ADAM18: variants seen among roughly 807,000 people sequenced by gnomAD.
ADAM18 encodes the protein disintegrin and metalloproteinase domain-containing protein 18.
In ADAM18, 117 loss-of-function variants were observed where a neutral mutation model predicts 94.4. The observed-to-expected ratio is 1.24, with a 90% confidence interval of 1.07 to 1.45. The LOEUF is 1.45. Ranked by LOEUF, ADAM18 falls within the 40% of genes most tolerant of loss-of-function variation. ADAM18 has a pLI of 0.00. For missense variants in ADAM18, 936 were observed against 880.0 expected (o/e 1.06, Z -0.81); for synonymous variants, 327 against 291.6 (o/e 1.12, Z -1.24).
intron 7 of ADAM18, among the ~76,000 whole-genome samples, chr8:39,633,036 T>C (rs542023155): frequency 2.6e-4 from 40 of 152,272 alleles, no homozygotes; most frequent in Admixed American, 2.0e-3. Flanking sequence ...AGAGACTTCA[T>C]GCAGCATTCT....
intron 2 of ADAM18, among the ~76,000 whole-genome samples, chr8:39,604,240 A>T (rs948232400): frequency 4.3e-4 from 65 of 152,360 alleles, no homozygotes; most frequent in Non-Finnish European, 8.4e-4. Context: ...TTACAAAAAA[A>T]CATACGAAGT....
intron 7 of ADAM18, among the ~76,000 whole-genome samples, chr8:39,631,720 A>G (rs146092986): frequency 1.3e-5 from 2 of 152,012 alleles, no homozygotes; most frequent in African/African-American, 4.8e-5. Flanking sequence ...TGTAATTTTG[A>G]TTTTGGAATT....
chr8:39,623,779 G>A (rs926736413), intron 6 of ADAM18, among the ~76,000 whole-genome samples: 1 of 151,946 alleles, frequency 6.6e-6, no homozygotes, highest in African/African-American at 2.4e-5. Flanking sequence ...TGTATTTTTA[G>A]TAGAGAAGCG....
chr8:39,692,575 A>G, intron 16 of ADAM18, 25 bp from the exon 17 acceptor site: 1 of 1,479,294 alleles, frequency 6.8e-7, no homozygotes, highest in Non-Finnish European at 9.2e-7. Flanking sequence ...TGTGAATTGT[A>G]AAATTTTTGT....
At chr8:39,639,089 C>T (rs2129579346) in intron 10 of ADAM18, among the ~76,000 whole-genome samples, 1 of 151,872 alleles carries the variant, frequency 6.6e-6, no homozygotes, top group South Asian at 2.1e-4. Flanking sequence ...ATGTTAATTT[C>T]TTTTCAAAGA....
At chr8:39,637,017 TTTTATATATATATATA>T (rs1174517737) in intron 7 of ADAM18, among the ~76,000 whole-genome samples, 1,387 of 84,750 alleles carry the variant, frequency 0.016, 29 homozygotes, top group African/African-American at 0.05. Context: ...CATGTGTGTA[TTTTATATATATATATA>T]TATATATATA....
intron 12 of ADAM18, among the ~76,000 whole-genome samples, chr8:39,659,902 C>T (rs1820788560): frequency 6.6e-6 from 1 of 151,948 alleles, no homozygotes; most frequent in Admixed American, 6.6e-5. Context: ...GGATATTAAC[C>T]TAAAACACAT....
chr8:39,692,534 A>G, intron 16 of ADAM18, 66 bp from the exon 17 acceptor site: 1 of 953,884 alleles, frequency 1.0e-6, no homozygotes, highest in Non-Finnish European at 1.6e-6. Flanking sequence ...TATAGAAATC[A>G]TTAATGTTTT....
intron 5 of ADAM18, among the ~76,000 whole-genome samples, chr8:39,609,918 G>A (rs1819214257): frequency 6.6e-6 from 1 of 152,064 alleles, no homozygotes; most frequent in Admixed American, 6.6e-5. Flanking sequence ...TCTCAGCTTA[G>A]TACCAGATAT....
intron 12 of ADAM18, among the ~76,000 whole-genome samples, chr8:39,656,255 A>G (rs1820679243): frequency 1.3e-5 from 2 of 152,122 alleles, no homozygotes; most frequent in Admixed American, 6.5e-5. Flanking sequence ...TTATAAAATT[A>G]TAGTTATTAA....
intron 14 of ADAM18, among the ~76,000 whole-genome samples, chr8:39,675,958 CTGCAGAACAGCAAATAT>C (rs984157072): frequency 2.0e-5 from 3 of 152,224 alleles, no homozygotes; most frequent in African/African-American, 7.2e-5. Context: ...CCAGTGGAGG[CTGCAGAACAGCAAATAT>C]TGCAGAACAG....
intron 11 of ADAM18, among the ~76,000 whole-genome samples, chr8:39,647,234 CAA>C (rs72204674): frequency 4.6e-5 from 6 of 130,110 alleles, no homozygotes; most frequent in East Asian, 2.7e-4. Context: ...AGAAAGTCAG[CAA>C]AAAAAAAAAA....
intron 12 of ADAM18, among the ~76,000 whole-genome samples, chr8:39,649,242 A>C (rs1399574993): frequency 6.6e-6 from 1 of 152,058 alleles, no homozygotes; most frequent in Non-Finnish European, 1.5e-5. Context: ...AATTCTCTCA[A>C]TTCTTTTAAG....
intron 2 of ADAM18, among the ~76,000 whole-genome samples, chr8:39,593,598 T>C (rs1212679997): frequency 6.6e-6 from 1 of 151,920 alleles, no homozygotes; most frequent in Non-Finnish European, 1.5e-5. Context: ...TCCAAACATA[T>C]ACAGTCAACA....
chr8:39,603,781 A>T (rs1046786278), intron 2 of ADAM18, among the ~76,000 whole-genome samples: 8 of 152,130 alleles, frequency 5.3e-5, no homozygotes, highest in African/African-American at 1.7e-4. Context: ...AACTATTAAT[A>T]TTTCTTTCAC....
chr8:39,677,581 T>A (rs772767265), intron 15 of ADAM18, 45 bp downstream of exon 15: 1 of 1,417,164 alleles, frequency 7.1e-7, no homozygotes, highest in Non-Finnish European at 9.6e-7. Context: ...ATAAAAATTA[T>A]GTATTTTTAT....
intron 19 of ADAM18, among the ~76,000 whole-genome samples, chr8:39,724,262 C>A (rs1161040634): frequency 6.6e-6 from 1 of 151,652 alleles, no homozygotes; most frequent in African/African-American, 2.4e-5. Context: ...GTAATCCGTT[C>A]AGATTTTCTG....
chr8:39,703,331 G>T (rs1458478423), intron 17 of ADAM18, among the ~76,000 whole-genome samples: 1 of 152,082 alleles, frequency 6.6e-6, no homozygotes, highest in Non-Finnish European at 1.5e-5. Context: ...CATTGATTTT[G>T]TATCCTGAGA....
intron 6 of ADAM18, among the ~76,000 whole-genome samples, chr8:39,613,336 C>A (rs1819336647): frequency 6.6e-6 from 1 of 152,200 alleles, no homozygotes; most frequent in South Asian, 2.1e-4. Flanking sequence ...TTTCAGCCCC[C>A]CAGGGTTAGA....
Sources: gnomAD v4.1 joint callset for allele counts (sites outside exome capture counted in the v4.1 genomes callset) on GRCh38, gnomAD v4.1.1 for gene constraint, MANE v1.5 for transcripts, NCBI Gene and HGNC (gene_info 2026-07-23, HGNC 2026-07-21) for gene names.